ZNF782: variants seen among roughly 807,000 people sequenced by gnomAD.
The protein encoded by ZNF782 is zinc finger protein 782.
ZNF782 carries 12 observed loss-of-function variants against 13.0 expected under a neutral mutation model. The ratio of observed to expected loss-of-function variants is 0.92; its 90% CI spans 0.59 to 1.50. ZNF782 has a LOEUF of 1.50. Among genes scored for constraint, ZNF782 ranks in the 40% most tolerant of loss-of-function variants. The probability of loss-of-function intolerance (pLI) is 0.00; values close to 1 mark genes in which losing one functional copy is unlikely to be tolerated. For missense variants in ZNF782, 770 were observed against 822.9 expected, an observed-to-expected ratio of 0.94 and a Z score of 0.79; for synonymous variants, 284 against 283.0, an observed-to-expected ratio of 1.00 and a Z score of -0.04.
At chr9:96,892,546 G>A in the ZNF782 span, 2 of 152,228 alleles carry the variant, frequency 1.3e-5, no homozygotes, top group Non-Finnish European at 2.9e-5. Context: ...CAGCGTCAGT[G>A]CGGATCTTAG....
At chr9:96,901,564 G>A in the ZNF782 span, among the ~76,000 whole-genome samples, 6,514 of 151,856 alleles carry the variant, frequency 0.043, 347 homozygotes, top group African/African-American at 0.12. Flanking sequence ...GAGCCGCTGC[G>A]CCCAGCCTGA....
the ZNF782 span, among the ~76,000 whole-genome samples, chr9:96,911,521 GT>G: frequency 1.8e-5 from 2 of 109,636 alleles, no homozygotes; most frequent in African/African-American, 3.6e-5. Context: ...TTTTTGTTTT[GT>G]TTTGTTTTTT....
chr9:96,898,920 C>T, the ZNF782 span, among the ~76,000 whole-genome samples: 1 of 148,152 alleles, frequency 6.7e-6, no homozygotes, highest in African/African-American at 2.5e-5. Context: ...TATTTAAGTA[C>T]ATTCTCATTT....
intron 2 of ZNF782, among the ~76,000 whole-genome samples, 200 bp from the exon 3 acceptor site, chr9:96,852,205 T>C (rs1211006491): frequency 6.6e-6 from 1 of 152,238 alleles, no homozygotes; most frequent in African/African-American, 2.4e-5. Context: ...GGGCTTAAAC[T>C]GCTGTTTTTT....
chr9:96,819,050 G>A lies in ZNF782; in HGVS notation c.973C>T (p.Leu325Phe), dbSNP rs144500911. 4 of 1,614,166 alleles carry A rather than the reference G, an allele frequency of 2.5e-6. No individual in the cohort carries two copies. The highest frequency in any genetic ancestry group is 1.7e-5 in the Admixed American group (1 of 60,020). Reference sequence around the variant, plus strand: ...GCATGAGTTCTCTGATGCACTGGGAGGGTTGAATTACGGTTGAAACTTTTT... The same window carrying A: ...GCATGAGTTCTCTGATGCACTGGGAAGGTTGAATTACGGTTGAAACTTTTT... ...YGKSFNRNSTLPVHQRTHATD... is the reference protein window; with the variant it reads ...YGKSFNRNSTFPVHQRTHATD... The change falls in exon 6 of 6, where the codon CTC (leucine) becomes TTC (phenylalanine). Residue 325 changes from leucine to phenylalanine, a missense_variant. Physicochemically the swap from Leu to Phe is conservative, Grantham distance 22 (BLOSUM62 0). Transcript: ENST00000481138.
At chr9:96,849,814 GA>G (rs1485748460) in intron 3 of ZNF782, among the ~76,000 whole-genome samples, 1 of 150,432 alleles carries the variant, frequency 6.6e-6, no homozygotes, top group Non-Finnish European at 1.5e-5. Flanking sequence ...AAACCAGCAA[GA>G]AAAAAAATCC....
the ZNF782 span, among the ~76,000 whole-genome samples, chr9:96,926,493 G>A: frequency 1.3e-5 from 2 of 152,192 alleles, no homozygotes; most frequent in Non-Finnish European, 2.9e-5. Flanking sequence ...TGCATGTAAG[G>A]AGGCAGCTCT....
intron 1 of ZNF782, among the ~76,000 whole-genome samples, chr9:96,869,074 A>G (rs955905957): frequency 6.6e-6 from 1 of 152,114 alleles, no homozygotes; most frequent in Non-Finnish European, 1.5e-5. Flanking sequence ...TAAGGCTATG[A>G]AGGTACTAAG....
At chr9:96,860,971 G>C (rs1176817324) in intron 2 of ZNF782, among the ~76,000 whole-genome samples, 1 of 152,196 alleles carries the variant, frequency 6.6e-6, no homozygotes, top group Non-Finnish European at 1.5e-5. Context: ...ATCTTGGCTG[G>C]TGCAGAGGCT....
intron 4 of ZNF782, among the ~76,000 whole-genome samples, chr9:96,828,584 T>C (rs996216564): frequency 6.6e-6 from 1 of 152,136 alleles, no homozygotes; most frequent in Non-Finnish European, 1.5e-5. Context: ...AATCCCAGTT[T>C]TTTGGGAGGG....
At chr9:96,910,537 C>A in the ZNF782 span, 1 of 61,860 alleles carries the variant, frequency 1.6e-5, no homozygotes, top group Non-Finnish European at 3.4e-5. Context: ...TGGGCAGTGC[C>A]ACCCACAGAT....
chr9:96,823,091 A>G (rs1254625264), intron 5 of ZNF782, among the ~76,000 whole-genome samples: 2 of 152,222 alleles, frequency 1.3e-5, no homozygotes, highest in Non-Finnish European at 2.9e-5. Flanking sequence ...CTAGAGCAGG[A>G]GTCAGTAAAC....
intron 4 of ZNF782, among the ~76,000 whole-genome samples, chr9:96,838,575 T>C (rs1245339956): frequency 1.3e-5 from 2 of 152,236 alleles, no homozygotes; most frequent in African/African-American, 2.4e-5. Flanking sequence ...AGGGCTGTTA[T>C]GTTTTCTTAG....
chr9:96,901,494 A>C, the ZNF782 span, among the ~76,000 whole-genome samples: 3 of 150,798 alleles, frequency 2.0e-5, no homozygotes, highest in African/African-American at 4.9e-5. Context: ...CTGGTCTCAA[A>C]CTCCTGACCT....
the ZNF782 span, among the ~76,000 whole-genome samples, chr9:96,932,959 C>T: frequency 6.7e-6 from 1 of 148,894 alleles, no homozygotes; most frequent in Non-Finnish European, 1.5e-5. Context: ...CCAATACTTA[C>T]TTTCTTTTCT....
At chr9:96,902,164 T>G in the ZNF782 span, among the ~76,000 whole-genome samples, 2 of 152,088 alleles carry the variant, frequency 1.3e-5, no homozygotes, top group African/African-American at 4.8e-5. Context: ...CCGAGCGCAG[T>G]GGCTCACACC....
intron 5 of ZNF782, among the ~76,000 whole-genome samples, chr9:96,826,823 G>T (rs984419403): frequency 6.6e-6 from 1 of 152,184 alleles, no homozygotes; most frequent in African/African-American, 2.4e-5. Context: ...CTGGGCACCA[G>T]TTCTGGGTAG....
At chr9:96,896,584 T>C in the ZNF782 span, among the ~76,000 whole-genome samples, 1 of 152,188 alleles carries the variant, frequency 6.6e-6, no homozygotes, top group Non-Finnish European at 1.5e-5. Flanking sequence ...TAGCCCCTTG[T>C]ACAACCAAAA....
intron 3 of ZNF782, among the ~76,000 whole-genome samples, chr9:96,845,263 C>T (rs1424206827): frequency 6.6e-6 from 1 of 152,156 alleles, no homozygotes; most frequent in Non-Finnish European, 1.5e-5. Context: ...ACTGAGGAAG[C>T]TTAGTACCCT....
Sources: allele counts gnomAD v4.1 joint callset (sites outside exome capture counted in the v4.1 genomes callset), GRCh38; gene constraint gnomAD v4.1.1; transcripts MANE v1.5; gene names NCBI Gene and HGNC (gene_info 2026-07-23, HGNC 2026-07-21).